Variants in CACNA1S observed in about 807,000 individuals in gnomAD.
CACNA1S encodes the protein voltage-dependent L-type calcium channel subunit alpha-1S.
Under a neutral mutation model 207.4 loss-of-function variants are expected in CACNA1S, and 126 were observed. The ratio of observed to expected loss-of-function variants is 0.61; its 90% CI spans 0.53 to 0.70. The LOEUF is 0.70. CACNA1S is among the 30% of genes least tolerant of loss of function. The probability of loss-of-function intolerance (pLI) is 0.00; values close to 1 mark genes in which losing one functional copy is unlikely to be tolerated. For synonymous variants in CACNA1S, 960 were observed against 932.7 expected (o/e 1.03, Z -0.53); for missense variants, 2,349 against 2,422.8 (o/e 0.97, Z 0.64).
chr1:201,060,875 C>A lies in CACNA1S; in HGVS notation c.3256-59G>T, dbSNP rs1661023835. The A allele has an allele frequency of 4.4e-6, 7 of 1,601,932 alleles. No homozygotes were observed. In the South Asian group the frequency reaches 6.6e-5, roughly 15 times the overall value. ...AGAGGCCCCTCCCTCCCTCTCCACA[C>A]CCACATCCATGGGATTGACGGGCAA... On this transcript the variant is annotated intron_variant, in intron 25 of 43. Coordinates refer to ENST00000362061, the MANE Select transcript of CACNA1S (RefSeq NM_000069.3).
intron 2 of CACNA1S, among the ~76,000 whole-genome samples, chr1:201,106,723 C>G (rs191522030): frequency 6.6e-6 from 1 of 152,164 alleles, no homozygotes. Context: ...TCCCACAGCC[C>G]GACATCCTGT....
chr1:201,089,594 A>G, intron 5 of CACNA1S, 131 bp from the exon 6 acceptor site: 1 of 868,040 alleles, frequency 1.2e-6, no homozygotes, highest in Non-Finnish European at 1.9e-6. Context: ...AATGCAAAAG[A>G]CAGCTTCACA....
rs760598566 is a variant in CACNA1S at position 201,044,289 on chromosome 1, G to A, written c.4797+39C>T. Reference sequence around the variant, plus strand: ...TCTCTGTGAGACACTGCCACTCATGGTGTCTAGACCACTAGGGGTGCTCCT... The same window carrying A: ...TCTCTGTGAGACACTGCCACTCATGATGTCTAGACCACTAGGGGTGCTCCT... On this transcript the variant is annotated intron_variant, in intron 39 of 43. Coordinates refer to ENST00000362061, the MANE Select transcript of CACNA1S (RefSeq NM_000069.3). 3.7e-6 allele frequency: 6 copies of A among 1,611,016 alleles called. No individual in the cohort carries two copies. The South Asian group carries it at 5.5e-5, about 15-fold the overall frequency.
intron 2 of CACNA1S, 84 bp downstream of exon 2, chr1:201,110,080 C>G (rs943010446): frequency 1.1e-5 from 13 of 1,229,618 alleles, no homozygotes; most frequent in African/African-American, 1.5e-5. Flanking sequence ...CGGCACCATC[C>G]CCCAGAACAG....
chr1:201,055,736 T>TACA (rs1218772830), intron 28 of CACNA1S, among the ~76,000 whole-genome samples: 2 of 152,094 alleles, frequency 1.3e-5, no homozygotes, highest in Non-Finnish European at 2.9e-5. Flanking sequence ...GTACATCAGG[T>TACA]ATGTAAATCA....
In CACNA1S at chr1:201,058,494, G is replaced by A. The variant is rs753852308; in HGVS notation, c.3526-3C>T. The A allele has an allele frequency of 1.2e-6, 2 of 1,612,928 alleles. No homozygotes were observed. Among genetic ancestry groups the A allele is most frequent in the Admixed American group, 3.3e-5 (2 of 60,014 alleles). ...TTCCAGGGGTCTCCAAAGTAGCCCT[G>A]GGAAGGAAAAGGATGGGAAAGCGAG... is the stretch of plus-strand genomic sequence containing the variant. On this transcript the variant is annotated splice_region_variant and splice_polypyrimidine_tract_variant and intron_variant, in intron 27 of 43. Transcript: ENST00000362061.
intron 2 of CACNA1S, among the ~76,000 whole-genome samples, chr1:201,100,114 C>G (rs1662590802): frequency 6.6e-6 from 1 of 152,230 alleles, no homozygotes; most frequent in Non-Finnish European, 1.5e-5. Flanking sequence ...CTGCAGTGAT[C>G]CCTCTCCATC....
chr1:201,081,290 C>T (rs1251375967), intron 10 of CACNA1S, among the ~76,000 whole-genome samples: 2 of 152,242 alleles, frequency 1.3e-5, no homozygotes, highest in East Asian at 1.9e-4. Flanking sequence ...CTTTGGGTCA[C>T]TTCTTTGTTT....
intron 36 of CACNA1S, among the ~76,000 whole-genome samples, chr1:201,047,927 C>T (rs1244067892): frequency 6.6e-6 from 1 of 152,244 alleles, no homozygotes; most frequent in Admixed American, 6.5e-5. Flanking sequence ...ATTCCCCAGG[C>T]ACTGTGGTCT....
intron 13 of CACNA1S, 38 bp from the exon 14 acceptor site, chr1:201,074,658 G>A: frequency 7.4e-7 from 1 of 1,345,658 alleles, no homozygotes; most frequent in Non-Finnish European, 1.1e-6. Context: ...GGTTGTAGGT[G>A]GAAGGGAGCC....
intron 10 of CACNA1S, among the ~76,000 whole-genome samples, chr1:201,081,989 C>T (rs1661857881): frequency 2.0e-5 from 3 of 151,676 alleles, no homozygotes; most frequent in Admixed American, 2.0e-4. Flanking sequence ...TGTGAGCCAA[C>T]CAAACCTCTT....
rs1396144024 is a variant in CACNA1S at position 201,040,027 on chromosome 1, G to T, written c.5426C>A (p.Ala1809Glu). The change falls in exon 44 of 44, where the codon GCA (alanine) becomes GAA (glutamate). Residue 1809 changes from alanine (A) to glutamate (E), a missense_variant. Ala to Glu is a moderately radical substitution (Grantham distance 107). Coordinates refer to ENST00000362061, the MANE Select transcript of CACNA1S (RefSeq NM_000069.3). ...GGCATCTGCCAGGGCCTGGCCTGTTGCCATGATGAAGTTTGCATCAGCTGC... is the reference window on the plus strand; with the variant it reads ...GGCATCTGCCAGGGCCTGGCCTGTTTCCATGATGAAGTTTGCATCAGCTGC... ...TLAADANFIM[A>E]TGQALADACQ... 1.2e-6 allele frequency: 2 copies of T among 1,614,230 alleles called. No individual in the cohort carries two copies. Among genetic ancestry groups the T allele is most frequent in the Non-Finnish European group, 1.7e-6 (2 of 1,180,018 alleles).
In CACNA1S at chr1:201,096,652, C is replaced by T. The variant is rs556498105; in HGVS notation, c.259-2631G>A. ...CTGCTGCTTTGGGCAAGTTCCTAAG[C>T]TTCTGTGAACCTCAGTTTCCTCATT... On this transcript the variant is annotated intron_variant, in intron 2 of 43. Coordinates refer to ENST00000362061, the MANE Select transcript of CACNA1S (RefSeq NM_000069.3). 2.3e-3 allele frequency among the ~76,000 whole-genome samples: 347 copies of T among 152,340 alleles called. 2 individuals carry two copies. The highest frequency in any genetic ancestry group is 8.0e-3 in the African/African-American group (333 of 41,572).
chr1:201,102,649 G>A (rs1662721617), intron 2 of CACNA1S, among the ~76,000 whole-genome samples: 2 of 152,146 alleles, frequency 1.3e-5, no homozygotes, highest in Non-Finnish European at 2.9e-5. Context: ...ACTAAGGTAG[G>A]TACTCTTATC....
intron 19 of CACNA1S, among the ~76,000 whole-genome samples, chr1:201,067,291 C>T (rs1173239875): frequency 6.6e-6 from 1 of 152,126 alleles, no homozygotes; most frequent in African/African-American, 2.4e-5. Flanking sequence ...GGAGCCCTGG[C>T]CCTACTGTCT....
chr1:201,044,052 G>A (rs896440267), intron 39 of CACNA1S, among the ~76,000 whole-genome samples: 1 of 152,198 alleles, frequency 6.6e-6, no homozygotes, highest in Non-Finnish European at 1.5e-5. Flanking sequence ...GCCTCTGGGA[G>A]ATGGGTCGTT....
At chr1:201,074,786 C>T (rs567207543) in intron 13 of CACNA1S, among the ~76,000 whole-genome samples, 166 bp from the exon 14 acceptor site, 1 of 152,192 alleles carries the variant, frequency 6.6e-6, no homozygotes, top group African/African-American at 2.4e-5. Flanking sequence ...GGGAAGCCTG[C>T]CTGCTGAGAG....
intron 2 of CACNA1S, among the ~76,000 whole-genome samples, chr1:201,103,225 G>A (rs1453183924): frequency 4.6e-5 from 4 of 86,564 alleles, no homozygotes; most frequent in African/African-American, 1.9e-4. Context: ...CAGTCTGGGT[G>A]ACAGAGGAGA....
rs1363148649 is a variant in CACNA1S, at chr1:201,075,569, A to G, written c.1874T>C (p.Met625Thr). ...DWTSMMYNGI[M>T]AYGGPSYPGM... ...AGGGTAGGACGGCCCGCCGTAGGCCATGATCCCATTGTACATCATTGAGGT... is the reference window on the plus strand; with the variant it reads ...AGGGTAGGACGGCCCGCCGTAGGCCGTGATCCCATTGTACATCATTGAGGT... The change falls in exon 13 of 44, where the codon ATG becomes ACG. Residue 625 changes from methionine (M) to threonine (T), a missense_variant. Transcript: ENST00000362061. 5.6e-6 allele frequency: 9 copies of G among 1,613,958 alleles called. No individual in the cohort carries two copies. Among genetic ancestry groups the G allele is most frequent in the Non-Finnish European group, 7.6e-6 (9 of 1,180,006 alleles).
Sources: gnomAD v4.1 joint callset for allele counts (sites outside exome capture counted in the v4.1 genomes callset) on GRCh38, gnomAD v4.1.1 for gene constraint, MANE v1.5 for transcripts, NCBI Gene and HGNC (gene_info 2026-07-23, HGNC 2026-07-21) for gene names.